The following MPPED2 variants were observed in gnomAD, a reference collection of about 807,000 sequenced individuals.
MPPED2 encodes metallophosphoesterase domain containing 2, also known as metallophosphoesterase MPPED2.
A neutral mutation model predicts 33.0 loss-of-function variants in MPPED2; 5 were observed. The ratio of observed to expected loss-of-function variants is 0.15; its 90% CI spans 0.08 to 0.32. The LOEUF is 0.32. Ranked by LOEUF, MPPED2 falls within the 10% of genes least tolerant of loss-of-function variation. MPPED2 has a pLI of 1.00. For synonymous variants in MPPED2, 136 were observed against 141.9 expected (o/e 0.96, Z 0.29); for missense variants, 275 against 372.1 (o/e 0.74, Z 2.15).
intron 2 of MPPED2, among the ~76,000 whole-genome samples, chr11:30,537,169 G>A (rs762858401): frequency 6.6e-6 from 1 of 152,096 alleles, no homozygotes; most frequent in Admixed American, 6.5e-5. Flanking sequence ...ATTATTTAAG[G>A]GGTTTGTCGC....
At chr11:30,457,093 C>A (rs1950309696) in intron 4 of MPPED2, among the ~76,000 whole-genome samples, 1 of 152,112 alleles carries the variant, frequency 6.6e-6, no homozygotes, top group African/African-American at 2.4e-5. Flanking sequence ...TGTCCTTTCA[C>A]TTATATGACT....
At chr11:30,467,799 C>T (rs907803002) in intron 4 of MPPED2, among the ~76,000 whole-genome samples, 2 of 152,200 alleles carry the variant, frequency 1.3e-5, no homozygotes, top group Non-Finnish European at 2.9e-5. Flanking sequence ...ACTCGAGTTG[C>T]TGGTGCAGAG....
intron 4 of MPPED2, among the ~76,000 whole-genome samples, chr11:30,436,271 A>G (rs935650260): frequency 6.6e-6 from 1 of 151,946 alleles, no homozygotes; most frequent in Non-Finnish European, 1.5e-5. Context: ...GAATGTAAGA[A>G]CCAAGTCTGG....
rs1308291691 is a variant in MPPED2 at position 30,586,010 on chromosome 11, C to A, written c.-122+32G>T. On this transcript the variant is annotated intron_variant, in intron 1 of 6. Coordinates refer to ENST00000358117, the MANE Select transcript of MPPED2 (RefSeq NM_001584.3). This position sits in a 1 kb window ranked among gnomAD's most constrained non-coding sequence, Gnocchi z 4.8. ...TCCCGGCCGCCTCCTCCCCCTCCCCCGCCCTCCGCCTCCCTTCCCGGGGCG... is the reference window on the plus strand; with the variant it reads ...TCCCGGCCGCCTCCTCCCCCTCCCCAGCCCTCCGCCTCCCTTCCCGGGGCG... 1 of 152,594 alleles carries A rather than the reference C, an allele frequency of 6.6e-6. No individual in the cohort carries two copies. Among genetic ancestry groups the A allele is most frequent in the Non-Finnish European group, 1.5e-5 (1 of 68,390 alleles). The allele number at this position is 152,594 out of a possible 1,614,324, so 9.5% of individuals were successfully genotyped here. A position where few individuals can be genotyped will look rare whatever the true frequency, so the allele number is the denominator to read the frequency against.
At chr11:30,403,050 C>A (rs1429581615) in intron 6 of MPPED2, among the ~76,000 whole-genome samples, 17 of 152,126 alleles carry the variant, frequency 1.1e-4, no homozygotes, top group Admixed American at 1.1e-3. Flanking sequence ...TCGAGACCAT[C>A]CTGGCTAACA....
rs200944277 is a variant in MPPED2, at chr11:30,437,432, TC to T, written c.537-19800del. 5.9e-3 allele frequency among the ~76,000 whole-genome samples: 894 copies of T among 152,262 alleles called. 16 individuals are homozygous for T. The highest frequency in any genetic ancestry group is 0.021 in the African/African-American group (853 of 41,542). On this transcript the variant is annotated intron_variant, in intron 4 of 6. Transcript: ENST00000358117. ...AAGTGAGACCTGAAAGCTTCTATTT[TC>T]CCCATCAAATTTCAACCCTAGAATG... is the stretch of plus-strand genomic sequence containing the variant.
chr11:30,497,698 T>C (rs1952344759), intron 3 of MPPED2, among the ~76,000 whole-genome samples: 2 of 151,546 alleles, frequency 1.3e-5, no homozygotes, highest in South Asian at 4.2e-4. Flanking sequence ...GACTGGGTTT[T>C]TCCTTTCTTT....
downstream of MPPED2, among the ~76,000 whole-genome samples, chr11:30,408,797 G>C (rs529766051): frequency 5.9e-5 from 9 of 152,330 alleles, no homozygotes; most frequent in East Asian, 1.7e-3. Flanking sequence ...AGGATTCTGT[G>C]AAGATTAGTA....
intron 4 of MPPED2, among the ~76,000 whole-genome samples, chr11:30,481,340 T>G (rs1951476346): frequency 6.6e-6 from 1 of 152,128 alleles, no homozygotes; most frequent in South Asian, 2.1e-4. Context: ...CACTAGCATT[T>G]TCCTGTTGTC....
intron 1 of MPPED2, among the ~76,000 whole-genome samples, chr11:30,583,134 CTTTTTTTTTTTT>C (rs199611856): frequency 0.01 from 1,007 of 96,692 alleles, 23 homozygotes; most frequent in African/African-American, 0.046. Context: ...AAGACTTTTT[CTTTTTTTTTTTT>C]TTTTTTTTTT....
intron 3 of MPPED2, among the ~76,000 whole-genome samples, chr11:30,515,037 G>C (rs965204356): frequency 1.3e-5 from 2 of 152,196 alleles, no homozygotes; most frequent in African/African-American, 4.8e-5. Flanking sequence ...AGGGGTTGCA[G>C]TGAGCTGAGA....
chr11:30,433,311 C>A (rs1227399134), intron 4 of MPPED2, among the ~76,000 whole-genome samples: 1 of 152,168 alleles, frequency 6.6e-6, no homozygotes, highest in Non-Finnish European at 1.5e-5. Context: ...TGTAATGGAT[C>A]CTGTTCTAAA....
intron 2 of MPPED2, among the ~76,000 whole-genome samples, chr11:30,553,311 A>G (rs766668911): frequency 6.6e-6 from 1 of 152,212 alleles, no homozygotes; most frequent in African/African-American, 2.4e-5. Context: ...AGAACTTGCA[A>G]TAGTCATAGA....
At chr11:30,428,804 C>G (rs538948182) in intron 4 of MPPED2, among the ~76,000 whole-genome samples, 2 of 152,198 alleles carry the variant, frequency 1.3e-5, no homozygotes, top group East Asian at 3.9e-4. Context: ...TAGCAGACAG[C>G]CTGCCTATAT....
chr11:30,452,039 T>C, intron 4 of MPPED2: 1 of 985,446 alleles, frequency 1.0e-6, no homozygotes, highest in Non-Finnish European at 1.2e-6. Flanking sequence ...GCCCTTTTTG[T>C]TCACTTAATG....
intron 4 of MPPED2, among the ~76,000 whole-genome samples, chr11:30,469,609 T>TA (rs1350374528): frequency 6.6e-6 from 1 of 152,222 alleles, no homozygotes; most frequent in Non-Finnish European, 1.5e-5. Flanking sequence ...CCTCCTTTTC[T>TA]ATAGTTAAAG....
intron 3 of MPPED2, among the ~76,000 whole-genome samples, chr11:30,525,841 T>C (rs1842460365): frequency 6.6e-6 from 1 of 152,216 alleles, no homozygotes; most frequent in African/African-American, 2.4e-5. Context: ...ATAATTTATG[T>C]AATTTAAGAA....
At chr11:30,460,212 G>A (rs1554972354) in intron 4 of MPPED2, among the ~76,000 whole-genome samples, 1 of 152,162 alleles carries the variant, frequency 6.6e-6, no homozygotes, top group Non-Finnish European at 1.5e-5. Context: ...TTTTGCCATA[G>A]TTTTTGCTTT....
intron 2 of MPPED2, among the ~76,000 whole-genome samples, chr11:30,559,331 T>C (rs756728845): frequency 6.6e-6 from 1 of 152,208 alleles, no homozygotes; most frequent in South Asian, 2.1e-4. Flanking sequence ...TTAATAAAAA[T>C]GTATTGTAAA....
Sources: gnomAD v4.1 joint callset for allele counts (sites outside exome capture counted in the v4.1 genomes callset) on GRCh38, gnomAD v4.1.1 for gene constraint, Gnocchi (gnomAD v3.1) non-coding constraint, MANE v1.5 for transcripts, NCBI Gene and HGNC (gene_info 2026-07-23, HGNC 2026-07-21) for gene names.